The following GABRB1 variants were observed in gnomAD, a reference collection of about 807,000 sequenced individuals.
The protein encoded by GABRB1 is gamma-aminobutyric acid receptor subunit beta-1.
Under a neutral mutation model 51.6 loss-of-function variants are expected in GABRB1, and 17 were observed. That is an observed-to-expected ratio of 0.33 (90% CI 0.23 to 0.49). The LOEUF (loss-of-function observed/expected upper bound fraction) is 0.49, where lower values mean the gene tolerates loss of function less well. Ranked by LOEUF, GABRB1 falls within the 20% of genes least tolerant of loss-of-function variation. The pLI, the probability that GABRB1 is intolerant of heterozygous loss-of-function variation, is 0.99. For missense variants in GABRB1, 410 were observed against 600.6 expected, an observed-to-expected ratio of 0.68 and a Z score of 3.32; for synonymous variants, 247 against 218.9, an observed-to-expected ratio of 1.13 and a Z score of -1.14.
intron 4 of GABRB1, among the ~76,000 whole-genome samples, chr4:47,279,012 A>C (rs1244340740): frequency 6.6e-6 from 1 of 152,012 alleles, no homozygotes; most frequent in African/African-American, 2.4e-5. Flanking sequence ...TTCCCTTGTG[A>C]GGCACTTGGG....
At chr4:47,112,176 T>C (rs997674309) in intron 3 of GABRB1, among the ~76,000 whole-genome samples, 2 of 152,104 alleles carry the variant, frequency 1.3e-5, no homozygotes, top group African/African-American at 4.8e-5. Flanking sequence ...TTTGTATTTT[T>C]AGTAGACATT....
intron 4 of GABRB1, among the ~76,000 whole-genome samples, chr4:47,271,795 G>A (rs1357095923): frequency 2.6e-5 from 4 of 152,228 alleles, no homozygotes; most frequent in South Asian, 2.1e-4. Context: ...TAAAAGCAAC[G>A]ATTAATAAAT....
intron 5 of GABRB1, among the ~76,000 whole-genome samples, chr4:47,341,170 T>C (rs545789160): frequency 6.6e-6 from 1 of 152,306 alleles, no homozygotes; most frequent in African/African-American, 2.4e-5. Flanking sequence ...TTACAAGCTG[T>C]TGAGTCATTC....
chr4:47,109,972 C>A (rs1200263563), intron 3 of GABRB1, among the ~76,000 whole-genome samples: 1 of 151,934 alleles, frequency 6.6e-6, no homozygotes, highest in Non-Finnish European at 1.5e-5. Context: ...AGAAAGAAGC[C>A]AGAAATCAGA....
intron 1 of GABRB1, among the ~76,000 whole-genome samples, chr4:47,014,053 G>C (rs977831493): frequency 1.3e-5 from 2 of 151,914 alleles, no homozygotes; most frequent in Admixed American, 6.6e-5. Flanking sequence ...CTCACCTTGA[G>C]TACATTTTTG....
At chr4:47,356,716 TC>T (rs1726592591) in intron 5 of GABRB1, among the ~76,000 whole-genome samples, 1 of 152,182 alleles carries the variant, frequency 6.6e-6, no homozygotes, top group South Asian at 2.1e-4. Flanking sequence ...TTTCAAACGG[TC>T]CTTTTATTCA....
chr4:47,259,464 G>A (rs1366404842), intron 4 of GABRB1, among the ~76,000 whole-genome samples: 1 of 152,070 alleles, frequency 6.6e-6, no homozygotes, highest in South Asian at 2.1e-4. Context: ...TACTTTTGCA[G>A]GCAAGACAGT....
chr4:47,014,810 T>C (rs946476721), intron 1 of GABRB1, among the ~76,000 whole-genome samples: 1 of 152,184 alleles, frequency 6.6e-6, no homozygotes, highest in East Asian at 1.9e-4. Context: ...AGGATATAGA[T>C]AGGATACTCT....
intron 3 of GABRB1, among the ~76,000 whole-genome samples, chr4:47,125,023 A>G (rs1013781776): frequency 6.6e-6 from 1 of 152,202 alleles, no homozygotes; most frequent in African/African-American, 2.4e-5. Flanking sequence ...AGAAGATTAT[A>G]TATAGACACA....
chr4:47,184,679 A>G (rs1380521787), intron 4 of GABRB1, among the ~76,000 whole-genome samples: 2 of 151,890 alleles, frequency 1.3e-5, no homozygotes, highest in Non-Finnish European at 2.9e-5. Flanking sequence ...GAAAAATGAT[A>G]CATCGTATTG....
intron 3 of GABRB1, among the ~76,000 whole-genome samples, chr4:47,063,997 A>G (rs1174959661): frequency 1.3e-5 from 2 of 152,204 alleles, no homozygotes; most frequent in African/African-American, 2.4e-5. Flanking sequence ...ACGTTTGCCT[A>G]TGTAACAAAA....
chr4:47,152,501 G>A (rs142922186), intron 3 of GABRB1, among the ~76,000 whole-genome samples: 251 of 151,948 alleles, frequency 1.7e-3, no homozygotes, highest in African/African-American at 5.6e-3. Context: ...AATTTCCCAG[G>A]GGCTCTATCC....
chr4:47,068,088 C>A (rs917525212), intron 3 of GABRB1, among the ~76,000 whole-genome samples: 4 of 152,130 alleles, frequency 2.6e-5, no homozygotes, highest in African/African-American at 9.7e-5. Context: ...AGTATTCTGA[C>A]AGCTTCCTTT....
Position 47,138,120 on chromosome 4 carries a change from A to T in GABRB1, c.241-23129A>T, listed in dbSNP as rs74584299. Among the ~76,000 whole-genome samples the T allele has an allele frequency of 2.3e-3, 356 of 152,202 alleles. 8 individuals carry two copies. The East Asian group carries it at 0.064, about 27-fold the overall frequency. On this transcript the variant is annotated intron_variant, in intron 3 of 8. Transcript: ENST00000295454. ...CACCACTGATTCTCCATGAAACAAA[A>T]AATTGATGGGACTCTATGGTCTTCA...
chr4:47,017,036 G>T (rs147511401), intron 1 of GABRB1, among the ~76,000 whole-genome samples: 1 of 152,168 alleles, frequency 6.6e-6, no homozygotes, highest in African/African-American at 2.4e-5. Context: ...AGCAGAACTT[G>T]AGAATGCAAA....
intron 4 of GABRB1, among the ~76,000 whole-genome samples, chr4:47,216,309 T>A (rs941503348): frequency 6.6e-6 from 1 of 151,980 alleles, no homozygotes; most frequent in African/African-American, 2.4e-5. Context: ...CTTTACCCTG[T>A]GTCTGAGACC....
intron 5 of GABRB1, among the ~76,000 whole-genome samples, chr4:47,378,132 C>T (rs1037429521): frequency 6.6e-6 from 1 of 152,184 alleles, no homozygotes; most frequent in Non-Finnish European, 1.5e-5. Flanking sequence ...CACAGGAGCC[C>T]ACAGAGGCGG....
intron 3 of GABRB1, among the ~76,000 whole-genome samples, chr4:47,066,632 C>T (rs950944492): frequency 2.6e-5 from 4 of 152,226 alleles, no homozygotes; most frequent in African/African-American, 7.2e-5. Context: ...AATAACTCCT[C>T]ATCCATCCAA....
exon 1 of GABRB1, chr4:46,993,838 C>A: frequency 4.8e-6 from 1 of 210,000 alleles, no homozygotes; most frequent in South Asian, 6.6e-5. Flanking sequence ...GTGGGCTCCC[C>A]GCCCACAGCA....
Sources: gnomAD v4.1 joint callset for allele counts (sites outside exome capture counted in the v4.1 genomes callset) on GRCh38, gnomAD v4.1.1 for gene constraint, MANE v1.5 for transcripts, NCBI Gene and HGNC (gene_info 2026-07-23, HGNC 2026-07-21) for gene names.